Variants in ESPN observed in about 807,000 individuals in gnomAD.
ESPN encodes the protein espin.
A neutral mutation model predicts 77.7 loss-of-function variants in ESPN; 68 were observed. The observed-to-expected ratio is 0.87, with a 90% CI of 0.72 to 1.07. The LOEUF is 1.07. Ranked by LOEUF, ESPN falls within the 50% of genes least tolerant of loss-of-function variation. ESPN has a pLI of 0.00. For synonymous variants in ESPN, 449 were observed against 567.1 expected (o/e 0.79, Z 2.96); for missense variants, 1,060 against 1,239.0 (o/e 0.86, Z 2.17).
At position 6,451,939 on chromosome 1, in the gene ESPN, T is replaced by C; in HGVS notation, c.2168T>C (p.Val723Ala). The C allele has an allele frequency of 2.5e-6, 4 of 1,610,842 alleles. No individual in the cohort carries two copies. The highest frequency in any genetic ancestry group is 3.4e-6 in the Non-Finnish European group (4 of 1,178,812). ...CTGCTCAATGGAAGCTTGGTTCCCG[T>C]GCCGCCCACTACTCCTGCGCCGGGA... ...QPLLNGSLVP[V>A]PPTTPAPGVQ... Residue 723 changes from valine (V) to alanine (A), a missense_variant, in exon 10 of 13, where the codon GTG (valine) becomes GCG (alanine). Around this residue, in one of 3 missense-constraint regions of ESPN, gnomAD observed 374 missense variants for 381.4 expected, o/e 0.98. Transcript: ENST00000645284. The surrounding 1 kb of genome is among the most constrained non-coding windows in gnomAD (Gnocchi z 4.3).
At position 6,460,322 on chromosome 1, in the gene ESPN, G is replaced by A; in HGVS notation, c.*176G>A. On this transcript the variant is annotated 3_prime_UTR_variant, in exon 13 of 13. Transcript: ENST00000645284. ...ATCCCCAGCCCTTGGCAACACTGGAGTGCACACGCCGCCACGGTTGCCCAG... is the reference window on the plus strand; with the variant it reads ...ATCCCCAGCCCTTGGCAACACTGGAATGCACACGCCGCCACGGTTGCCCAG... 1.3e-6 allele frequency: 1 copy of A among 765,684 alleles called. No individual in the cohort carries two copies. Among genetic ancestry groups the A allele is most frequent in the South Asian group, 1.9e-5 (1 of 51,572 alleles). The allele number at this position is 765,684 out of a possible 1,614,324, so 47.4% of individuals were successfully genotyped here.
chr1:6,444,740 G>T, intron 6 of ESPN, 58 bp downstream of exon 6: 1 of 1,601,830 alleles, frequency 6.2e-7, no homozygotes, highest in South Asian at 1.1e-5. Flanking sequence ...AGACTGCTGG[G>T]CTGTGAGGAT....
Position 6,440,234 on chromosome 1 carries a change from T to C in ESPN, c.489-20T>C. 1 of 1,547,048 alleles carries C rather than the reference T, an allele frequency of 6.5e-7. No individual in the cohort carries two copies. Among genetic ancestry groups the C allele is most frequent in the Non-Finnish European group, 8.7e-7 (1 of 1,145,448 alleles). On this transcript the variant is annotated intron_variant, in intron 2 of 12. Transcript: ENST00000645284. The stretch of plus-strand genomic sequence containing the variant: ...GGGGTGAGGCGCTGAAAGCCCACGG[T>C]GGGCGCTGTGTCTCCGCAGGGGAGT...
intron 10 of ESPN, 106 bp downstream of exon 10, chr1:6,452,202 C>CT (rs1322396601): frequency 0.076 from 67,706 of 895,356 alleles, no homozygotes; most frequent in East Asian, 0.083. Context: ...CATTTTCTTT[C>CT]TTTTTTTTTT....
rs1643938016 is a variant in ESPN at position 6,451,222 on chromosome 1, G to C, written c.1916-381G>C. 2.7e-6 allele frequency: 1 copy of C among 364,158 alleles called. No individual in the cohort carries two copies. Among genetic ancestry groups the C allele is most frequent in the Non-Finnish European group, 5.3e-6 (1 of 189,094 alleles). The allele number at this position is 364,158 out of a possible 1,614,324, so 22.6% of individuals were successfully genotyped here. A position where few individuals can be genotyped will look rare whatever the true frequency, so the allele number is the denominator to read the frequency against. On this transcript the variant is annotated intron_variant, in intron 8 of 12. Coordinates refer to ENST00000645284, the MANE Select transcript of ESPN (RefSeq NM_031475.3). This position sits in a 1 kb window ranked among gnomAD's most constrained non-coding sequence, Gnocchi z 4.3. ...AGGGCCAGAGGGAGGCTCCACCCCA[G>C]CCGGGCTGAGCCAGGGAACCTGGGA...
In ESPN at chr1:6,438,719, G is replaced by A. The variant is rs758186440; in HGVS notation, c.489-1535G>A. Among the ~76,000 whole-genome samples the A allele has an allele frequency of 6.8e-4, 104 of 152,384 alleles. 1 individual carries two copies. Among genetic ancestry groups the A allele is most frequent in the Non-Finnish European group, 1.2e-3 (82 of 68,042 alleles). On this transcript the variant is annotated intron_variant, in intron 2 of 12. Transcript: ENST00000645284. ...ATGGCACAGAGTCCCAGCCCCACCT[G>A]TGAGCCTCCTCAGCTGCAGCTGCAC... is the stretch of plus-strand genomic sequence containing the variant.
intron 12 of ESPN, among the ~76,000 whole-genome samples, chr1:6,457,942 C>T (rs1644084257): frequency 6.8e-6 from 1 of 148,056 alleles, no homozygotes; most frequent in South Asian, 2.1e-4. Flanking sequence ...GAGGCCAAGG[C>T]AGGGGGACCA....
rs1271532642 is a variant in ESPN, at chr1:6,448,650, T to C, written c.1474T>C (p.Cys492Arg). The change falls in exon 8 of 13, where the codon TGT becomes CGT. Residue 492 changes from cysteine to arginine, a missense_variant. This residue lies in a region of ESPN where 130 missense variants were observed against 223.9 expected (regional missense o/e 0.58). Transcript: ENST00000645284. ...CACTGTCTTCCCGCAGCTGAGCTCC[T>C]GTGACGGCCACGACGGGCTGCGGAG... ...TEALKKELSS[C>R]DGHDGLRRQD... 6.4e-7 allele frequency: 1 copy of C among 1,562,296 alleles called. No individual in the cohort carries two copies. Among genetic ancestry groups the C allele is most frequent in the Non-Finnish European group, 8.6e-7 (1 of 1,165,408 alleles).
chr1:6,444,388 C>T, intron 5 of ESPN, 93 bp from the exon 6 acceptor site: 1 of 1,304,376 alleles, frequency 7.7e-7, no homozygotes, highest in Non-Finnish European at 1.1e-6. Context: ...GCCAAGATCC[C>T]ACAGCGAAGG....
intron 1 of ESPN, among the ~76,000 whole-genome samples, chr1:6,426,924 T>A (rs1488617023): frequency 6.6e-6 from 1 of 152,084 alleles, no homozygotes; most frequent in East Asian, 1.9e-4. Flanking sequence ...CTGCCCCATC[T>A]TCCTCCCTGC....
At chr1:6,440,878 G>T in intron 4 of ESPN, 56 bp from the exon 5 acceptor site, 1 of 1,534,544 alleles carries the variant, frequency 6.5e-7, no homozygotes, top group South Asian at 1.2e-5. Context: ...GCCCTGCCCG[G>T]GCGCGGGGGT....
At chr1:6,454,803 G>C (rs1029531768) in intron 10 of ESPN, 4 of 397,388 alleles carry the variant, frequency 1.0e-5, no homozygotes, top group African/African-American at 4.1e-5. Context: ...TGCGCACCTG[G>C]CGGAGCTGCT....
chr1:6,457,032 G>A (rs1569754821), intron 10 of ESPN, 152 bp from the exon 11 acceptor site: 2 of 774,270 alleles, frequency 2.6e-6, no homozygotes, highest in East Asian at 2.7e-5. Flanking sequence ...CAGCTCTGAG[G>A]GGGTGTGACC....
rs1327205091 is a variant in ESPN, at chr1:6,432,614, G to T, written c.488+4195G>T. On this transcript the variant is annotated intron_variant, in intron 2 of 12. Transcript: ENST00000645284. ...GGAGAGCTGAGCCTTGGACCCTGGGGCTCTGTAAGCAGCACACTGCTGGGG... is the reference window on the plus strand; with the variant it reads ...GGAGAGCTGAGCCTTGGACCCTGGGTCTCTGTAAGCAGCACACTGCTGGGG... Among the ~76,000 whole-genome samples, 3 of 152,204 alleles carry T rather than the reference G, an allele frequency of 2.0e-5. No homozygotes were observed. In the South Asian group the frequency reaches 6.2e-4, roughly 31 times the overall value.
At chr1:6,442,256 C>T (rs145427373) in intron 5 of ESPN, among the ~76,000 whole-genome samples, 3 of 152,106 alleles carry the variant, frequency 2.0e-5, no homozygotes, top group African/African-American at 4.8e-5. Flanking sequence ...GTGTAATCTC[C>T]GTTACTCTTC....
rs965092951 is a variant in ESPN at position 6,448,776 on chromosome 1, C to T, written c.1600C>T (p.Arg534Cys). 3 of 1,442,344 alleles carry T rather than the reference C, an allele frequency of 2.1e-6. No individual in the cohort carries two copies. Among genetic ancestry groups the T allele is most frequent in the Admixed American group, 5.1e-5 (2 of 39,034 alleles). 89.3% of individuals were successfully genotyped at this position (1,442,344 alleles called of 1,614,324 possible). The change falls in exon 8 of 13, where the codon CGC becomes TGC. Residue 534 changes from arginine (R) to cysteine (C), a missense_variant. By Grantham distance (180) the Arg-to-Cys change is radical. Around this residue, in one of 3 missense-constraint regions of ESPN, gnomAD observed 130 missense variants for 223.9 expected, o/e 0.58. Coordinates refer to ENST00000645284, the MANE Select transcript of ESPN (RefSeq NM_031475.3). ...GRCPGETLAA[R>C]PGMAHSEEVR... is the part of the protein sequence containing the mutation. Reference sequence around the variant, plus strand: ...CTGCCCCGGCGAGACGCTGGCCGCACGCCCGGGCATGGCGCACAGCGAGGA... The same window carrying T: ...CTGCCCCGGCGAGACGCTGGCCGCATGCCCGGGCATGGCGCACAGCGAGGA...
In ESPN at chr1:6,425,013, T is replaced by A; in HGVS notation, c.58T>A (p.Ser20Thr). 1 of 1,468,250 alleles carries A rather than the reference T, an allele frequency of 6.8e-7. No homozygotes were observed. 91.0% of individuals were successfully genotyped at this position (1,468,250 alleles called of 1,614,324 possible). Residue 20 changes from serine to threonine, a missense_variant, in exon 1 of 13, where the codon TCG becomes ACG. By Grantham distance (58) the Ser-to-Thr change is moderately conservative (BLOSUM62 1). This residue lies in a region of ESPN where 556 missense variants were observed against 633.6 expected (regional missense o/e 0.88). Transcript: ENST00000645284. ...ARQGELDVLR[S>T]LHAAGLLGPS... is the part of the protein sequence containing the mutation. ...GCAGGGCGAGCTGGACGTGCTGAGG[T>A]CGCTGCACGCCGCAGGCCTCCTGGG... is the stretch of plus-strand genomic sequence containing the variant.
downstream of ESPN, chr1:6,461,206 T>C (rs1275516518): frequency 1.4e-6 from 1 of 724,926 alleles, no homozygotes; most frequent in African/African-American, 1.7e-5. The surrounding 1 kb of genome is among the most constrained non-coding windows in gnomAD (Gnocchi z 6.3). Context: ...TCAGCCAAAC[T>C]CCGGCCGAGA....
rs1410275537 is a variant in ESPN, at chr1:6,447,841, G to A, written c.1465-800G>A. On this transcript the variant is annotated intron_variant, in intron 7 of 12. Coordinates refer to ENST00000645284, the MANE Select transcript of ESPN (RefSeq NM_031475.3). This position sits in a 1 kb window ranked among gnomAD's most constrained non-coding sequence, Gnocchi z 5.2. ...AGGTGGGGGCTCAGCTCCCAGCTTA[G>A]GGAGAGGCGCAGGGGGCGGGGTCAC... Among the ~76,000 whole-genome samples, 2 of 152,222 alleles carry A rather than the reference G, an allele frequency of 1.3e-5. No individual in the cohort carries two copies. The highest frequency in any genetic ancestry group is 1.5e-5 in the Non-Finnish European group (1 of 67,994).
Sources: allele counts gnomAD v4.1 joint callset (sites outside exome capture counted in the v4.1 genomes callset), GRCh38; gene constraint gnomAD v4.1.1; regional missense constraint gnomAD v4.1.1; non-coding constraint Gnocchi (gnomAD v3.1); transcripts MANE v1.5; gene names NCBI Gene and HGNC (gene_info 2026-07-23, HGNC 2026-07-21).